TSPEAR: variants seen among roughly 807,000 people sequenced by gnomAD.
The protein encoded by TSPEAR is thrombospondin type laminin G domain and EAR repeats.
TSPEAR carries 69 observed loss-of-function variants against 71.6 expected under a neutral mutation model. The observed-to-expected ratio is 0.96, with a 90% CI of 0.79 to 1.18. The LOEUF is 1.18. TSPEAR is among the 50% of genes most tolerant of loss of function. The pLI, the probability that TSPEAR is intolerant of heterozygous loss-of-function variation, is 0.00. For missense variants in TSPEAR, 971 were observed against 894.9 expected, an observed-to-expected ratio of 1.09 and a Z score of -1.09; for synonymous variants, 402 against 387.2, an observed-to-expected ratio of 1.04 and a Z score of -0.45.
chr21:44,647,492 C>A, intron 1 of TSPEAR: 1 of 1,042,072 alleles, frequency 9.6e-7, no homozygotes, highest in Non-Finnish European at 1.4e-6. Flanking sequence ...GGATTTTGAG[C>A]GCGTCACACT....
intron 1 of TSPEAR, among the ~76,000 whole-genome samples, chr21:44,670,238 GGGTTCAT>G (rs1985991220): frequency 6.6e-6 from 1 of 152,160 alleles, no homozygotes; most frequent in Non-Finnish European, 1.5e-5. Flanking sequence ...GTCAGGTAGT[GGGTTCAT>G]GGTTCATAGG....
chr21:44,652,923 G>A (rs986189731), intron 1 of TSPEAR, among the ~76,000 whole-genome samples: 4 of 152,132 alleles, frequency 2.6e-5, no homozygotes, highest in Admixed American at 1.3e-4. Context: ...TTGGGAGGCC[G>A]AGGCGGGTGG....
rs782203229 is a variant in TSPEAR at position 44,504,797 on chromosome 21, C to T, written c.1839G>A (p.Val613=). The stretch of plus-strand genomic sequence containing the variant: ...CTCATTACCTGTAAATAATACTGTT[C>T]ACCGAGAAGGTACGCCCATCGAAGG... ...ANSFDGRTFS[V]NSIIYRWQGY... The change falls in exon 11 of 12, where the codon GTG becomes GTA. Residue 613 remains valine, a synonymous_variant. Transcript: ENST00000323084. The T allele has an allele frequency of 3.1e-6, 5 of 1,613,586 alleles. No homozygotes were observed. In the Admixed American group the frequency reaches 5.0e-5, roughly 16 times the overall value.
chr21:44,526,078 C>G (rs2052849474), intron 7 of TSPEAR: 2 of 418,918 alleles, frequency 4.8e-6, no homozygotes, highest in Non-Finnish European at 8.6e-6. Flanking sequence ...ATTTCCACTT[C>G]TATTGCTATC....
chr21:44,659,653 G>C, intron 1 of TSPEAR, among the ~76,000 whole-genome samples: 1 of 152,228 alleles, frequency 6.6e-6, no homozygotes, highest in Admixed American at 6.5e-5. Flanking sequence ...GCTGGGCACA[G>C]TTCACCCCTG....
chr21:44,595,975 C>A (rs1980340935), intron 1 of TSPEAR, among the ~76,000 whole-genome samples: 1 of 152,136 alleles, frequency 6.6e-6, no homozygotes, highest in South Asian at 2.1e-4. Flanking sequence ...AGCTTAGTGG[C>A]TTCAAATAAC....
intron 10 of TSPEAR, 96 bp from the exon 11 acceptor site, chr21:44,504,977 A>C: frequency 1.1e-6 from 1 of 893,260 alleles, no homozygotes; most frequent in South Asian, 1.4e-5. Context: ...ATAGAGGAGG[A>C]GCCGGGGCCA....
intron 9 of TSPEAR, among the ~76,000 whole-genome samples, chr21:44,521,424 G>A (rs2052730479): frequency 6.6e-6 from 1 of 152,232 alleles, no homozygotes; most frequent in East Asian, 1.9e-4. Context: ...CTGGAGAGGA[G>A]CGCCACGTGC....
At chr21:44,540,518 C>G (rs1217673531) in intron 2 of TSPEAR, among the ~76,000 whole-genome samples, 3 of 152,128 alleles carry the variant, frequency 2.0e-5, no homozygotes, top group Admixed American at 1.3e-4. Context: ...CAGGGGTGGC[C>G]CTTCAGCCTT....
At chr21:44,702,844 AC>A (rs1373093795) in intron 1 of TSPEAR, 2 of 915,162 alleles carry the variant, frequency 2.2e-6, no homozygotes, top group Non-Finnish European at 3.4e-6. Flanking sequence ...GTTCCCCCCA[AC>A]CTCTCCCACT....
At chr21:44,501,235 A>C (rs1349336710) in intron 11 of TSPEAR, among the ~76,000 whole-genome samples, 1 of 151,850 alleles carries the variant, frequency 6.6e-6, no homozygotes, top group East Asian at 1.9e-4. Flanking sequence ...AGATCACTTG[A>C]GGTCAGGAGT....
rs587638657 is a variant in TSPEAR, at chr21:44,579,641, G to A, written c.83-11636C>T. On this transcript the variant is annotated intron_variant, in intron 1 of 11. Coordinates refer to ENST00000323084, the MANE Select transcript of TSPEAR (RefSeq NM_144991.3). ...GAGATTCCTGGGAGTATGGAGGGGG[G>A]GGTCACCTCAGCACATGGGGGCCCC... 80 of 1,224,954 alleles carry A rather than the reference G, an allele frequency of 6.5e-5. No individual in the cohort carries two copies. In the East Asian group the frequency reaches 1.8e-3, roughly 27 times the overall value. The allele number at this position is 1,224,954 out of a possible 1,614,324, so 75.9% of individuals were successfully genotyped here.
intron 1 of TSPEAR, among the ~76,000 whole-genome samples, chr21:44,636,151 A>T (rs1555936612): frequency 6.6e-6 from 1 of 152,214 alleles, no homozygotes; most frequent in East Asian, 1.9e-4. Flanking sequence ...GTACCCAATG[A>T]TTCCTTCAGG....
At chr21:44,566,528 C>T (rs1243858544) in intron 2 of TSPEAR, among the ~76,000 whole-genome samples, 2 of 152,036 alleles carry the variant, frequency 1.3e-5, no homozygotes, top group Non-Finnish European at 2.9e-5. Flanking sequence ...TAATTACAAG[C>T]GATCCAGAAT....
chr21:44,668,376 C>T (rs879964446), intron 1 of TSPEAR, among the ~76,000 whole-genome samples: 23 of 152,168 alleles, frequency 1.5e-4, no homozygotes, highest in African/African-American at 5.1e-4. Context: ...AACTACAAAA[C>T]GTTGAAAGAA....
At chr21:44,657,049 C>A (rs1047535311) in intron 1 of TSPEAR, among the ~76,000 whole-genome samples, 10 of 152,074 alleles carry the variant, frequency 6.6e-5, no homozygotes, top group Non-Finnish European at 1.3e-4. Flanking sequence ...GGATTCCTGC[C>A]TCCCCTGGAC....
chr21:44,538,820 G>A (rs1315780358), intron 2 of TSPEAR, among the ~76,000 whole-genome samples: 1 of 152,192 alleles, frequency 6.6e-6, no homozygotes, highest in Non-Finnish European at 1.5e-5. Flanking sequence ...GCCTTCCTGG[G>A]AGTGACCGTG....
Position 44,711,157 on chromosome 21 carries a change from G to A in TSPEAR, c.82+276C>T, listed in dbSNP as rs1371961383. ...GCAGGTAAGCACTTGTGGAGGCCCC[G>A]GTGGCTGCTGGTTAGCTCTTGAAGC... On this transcript the variant is annotated intron_variant, in intron 1 of 11. Transcript: ENST00000323084. The surrounding 1 kb of genome is among the most constrained non-coding windows in gnomAD (Gnocchi z 4.5). Among the ~76,000 whole-genome samples, 3 of 152,168 alleles carry A rather than the reference G, an allele frequency of 2.0e-5. No individual in the cohort carries two copies. The highest frequency in any genetic ancestry group is 4.4e-5 in the Non-Finnish European group (3 of 68,024).
At chr21:44,678,057 C>CA (rs1215234034) in intron 1 of TSPEAR, 1 of 712,234 alleles carries the variant, frequency 1.4e-6, no homozygotes, top group African/African-American at 1.7e-5. Flanking sequence ...CCACAGCGGT[C>CA]ACACTCGATA....
Sources: allele counts gnomAD v4.1 joint callset (sites outside exome capture counted in the v4.1 genomes callset), GRCh38; gene constraint gnomAD v4.1.1; non-coding constraint Gnocchi (gnomAD v3.1); transcripts MANE v1.5; gene names NCBI Gene and HGNC (gene_info 2026-07-23, HGNC 2026-07-21).